The following CHEK2 variants were observed in gnomAD, a reference collection of about 807,000 sequenced individuals.
CHEK2 encodes the protein serine/threonine-protein kinase Chk2.
In CHEK2, 71 loss-of-function variants were observed where a neutral mutation model predicts 69.1. That is an observed-to-expected ratio of 1.03 (90% CI 0.85 to 1.25). The LOEUF (loss-of-function observed/expected upper bound fraction) is 1.25. Ranked by LOEUF, CHEK2 falls within the 50% of genes most tolerant of loss-of-function variation. CHEK2 has a pLI of 0.00. For synonymous variants in CHEK2, 189 were observed against 226.9 expected (o/e 0.83, Z 1.50); for missense variants, 664 against 649.6 (o/e 1.02, Z -0.24).
intron 5 of CHEK2, among the ~76,000 whole-genome samples, chr22:28,715,689 G>A (rs1000459574): frequency 1.3e-5 from 2 of 152,088 alleles, no homozygotes; most frequent in Admixed American, 6.6e-5. Context: ...CAAAGTACCC[G>A]GATTACAGGC....
In CHEK2 at chr22:28,698,228, T is replaced by TAAAAAAAAAAAA. The variant is rs398040472; in HGVS notation, c.1009-1253_1009-1242dup. 1.8e-4 allele frequency among the ~76,000 whole-genome samples: 15 copies of TAAAAAAAAAAAA among 81,896 alleles called. 2 individuals are homozygous for TAAAAAAAAAAAA. The highest frequency in any genetic ancestry group is 3.0e-4 in the Non-Finnish European group (12 of 39,492). 53.7% of individuals were successfully genotyped at this position (81,896 alleles called of 152,430 possible). ...CAACATGGTGAAACCCTATCTTTAC[T>TAAAAAAAAAAAA]AAAAAAAAAAAAAAAAAAATTAGCT... On this transcript the variant is annotated intron_variant, in intron 9 of 14. Coordinates refer to ENST00000404276, the MANE Select transcript of CHEK2 (RefSeq NM_007194.4).
intron 9 of CHEK2, among the ~76,000 whole-genome samples, chr22:28,698,704 A>G (rs1163420171): frequency 6.6e-6 from 1 of 152,192 alleles, no homozygotes; most frequent in African/African-American, 2.4e-5. Context: ...TCCTCAAAGC[A>G]AGTGCCACCA....
intron 7 of CHEK2, chr22:28,708,829 G>A (rs2053268947): frequency 4.3e-6 from 1 of 233,754 alleles, no homozygotes; most frequent in Non-Finnish European, 8.6e-6. Context: ...CGGGCGTGGT[G>A]GTGTGCCCAG....
intron 2 of CHEK2, among the ~76,000 whole-genome samples, chr22:28,732,381 G>C (rs980844943): frequency 2.0e-5 from 3 of 152,108 alleles, no homozygotes; most frequent in African/African-American, 7.2e-5. Flanking sequence ...AAAGTGCTGG[G>C]ATTACAGGCA....
In CHEK2 at chr22:28,730,051, G is replaced by C; in HGVS notation, c.319+4352C>G. On this transcript the variant is annotated intron_variant, in intron 2 of 14. Transcript: ENST00000404276. ...GTAGAGACGGGGTTTCACCATGTTG[G>C]CCAGGATGGTCTCGATCTCCTGACC... Among the ~76,000 whole-genome samples, 10 of 150,492 alleles carry C rather than the reference G, an allele frequency of 6.6e-5. No individual in the cohort carries two copies. In the Admixed American group the frequency reaches 6.7e-4, roughly 10 times the overall value.
Position 28,702,530 on chromosome 22 carries a change from G to A in CHEK2, c.908+975C>T, listed in dbSNP as rs527419949. Among the ~76,000 whole-genome samples the A allele has an allele frequency of 1.7e-4, 23 of 136,828 alleles. No individual in the cohort carries two copies. In the East Asian group the frequency reaches 2.0e-3, roughly 12 times the overall value. 89.8% of individuals were successfully genotyped at this position (136,828 alleles called of 152,430 possible). On this transcript the variant is annotated intron_variant, in intron 8 of 14. Coordinates refer to ENST00000404276, the MANE Select transcript of CHEK2 (RefSeq NM_007194.4). ...TGGGATTACAGATGTGAGCCACTGC[G>A]CCCGGCCTTTTTTTTTTTTTTTTTT...
At chr22:28,717,333 G>T (rs917459555) in intron 5 of CHEK2, among the ~76,000 whole-genome samples, 11 of 151,784 alleles carry the variant, frequency 7.2e-5, no homozygotes, top group Admixed American at 5.9e-4. Context: ...AGCTGAGATC[G>T]TGCCACTGCA....
intron 13 of CHEK2, among the ~76,000 whole-genome samples, chr22:28,689,721 C>T (rs1014918064): frequency 2.6e-5 from 4 of 152,058 alleles, no homozygotes; most frequent in African/African-American, 9.7e-5. Context: ...CCCACAGTAT[C>T]CCAGAGCTCA....
rs530250133 is a variant in CHEK2 at position 28,719,600 on chromosome 22, C to T, written c.593-115G>A. The T allele has an allele frequency of 4.6e-5, 30 of 659,116 alleles. No homozygotes were observed. In the East Asian group the frequency reaches 8.1e-4, roughly 18 times the overall value. 40.8% of individuals were successfully genotyped at this position (659,116 alleles called of 1,614,324 possible). On this transcript the variant is annotated intron_variant, in intron 4 of 14. Transcript: ENST00000404276. ...AAGAACTGTTTTTAACTACATTTAACATGTAACCTTAAGGAAATTAGTATG... is the reference window on the plus strand; with the variant it reads ...AAGAACTGTTTTTAACTACATTTAATATGTAACCTTAAGGAAATTAGTATG...
intron 7 of CHEK2, among the ~76,000 whole-genome samples, chr22:28,709,580 G>T (rs554660964): frequency 3.2e-4 from 49 of 152,248 alleles, no homozygotes; most frequent in Admixed American, 1.7e-3. Context: ...ATAAGTTAAA[G>T]AACCCAGGTT....
At chr22:28,699,967 A>C (rs2145845883) in intron 8 of CHEK2, 30 bp from the exon 9 acceptor site, 1 of 1,518,152 alleles carries the variant, frequency 6.6e-7, no homozygotes, top group Non-Finnish European at 9.1e-7. Flanking sequence ...CAAGGGGTTC[A>C]TTCCTGGGGG....
Position 28,710,139 on chromosome 22 carries a change from T to C in CHEK2, c.793-80A>G, listed in dbSNP as rs548114807. The stretch of plus-strand genomic sequence containing the variant: ...AAAAACATTTACAGTTAAACTCAGT[T>C]GACTCAAGGCTGCCTGAGTTCCAAA... On this transcript the variant is annotated intron_variant, in intron 6 of 14. Coordinates refer to ENST00000404276, the MANE Select transcript of CHEK2 (RefSeq NM_007194.4). 4.4e-5 allele frequency: 44 copies of C among 1,007,132 alleles called. No homozygotes were observed. The East Asian group carries it at 1.0e-3, about 23-fold the overall frequency. 62.4% of individuals were successfully genotyped at this position (1,007,132 alleles called of 1,614,324 possible).
chr22:28,704,316 T>A (rs550242327), intron 7 of CHEK2, among the ~76,000 whole-genome samples: 238 of 152,176 alleles, frequency 1.6e-3, no homozygotes, highest in African/African-American at 5.4e-3. Flanking sequence ...TCTTTCTTTT[T>A]TTTTTATTTT....
chr22:28,734,786 A>T, intron 1 of CHEK2, 59 bp from the exon 2 acceptor site: 1 of 1,446,546 alleles, frequency 6.9e-7, no homozygotes, highest in Admixed American at 1.7e-5. Context: ...CTTAAAATTA[A>T]AAAGTAAATG....
At chr22:28,707,998 G>A (rs2053219998) in intron 7 of CHEK2, among the ~76,000 whole-genome samples, 2 of 150,718 alleles carry the variant, frequency 1.3e-5, no homozygotes, top group Admixed American at 1.3e-4. Flanking sequence ...CACCACGCCC[G>A]GCTAATTTTT....
chr22:28,699,988 T>C, intron 8 of CHEK2, 51 bp from the exon 9 acceptor site: 3 of 1,218,734 alleles, frequency 2.5e-6, no homozygotes, highest in Non-Finnish European at 3.6e-6. Flanking sequence ...AAAACGCACT[T>C]GGACAGAAGA....
rs2052512171 is a variant in CHEK2, at chr22:28,695,120, T to C, written c.1375+7A>G. 1 of 1,566,210 alleles carries C rather than the reference T, an allele frequency of 6.4e-7. No homozygotes were observed. Among genetic ancestry groups the C allele is most frequent in the East Asian group, 2.2e-5 (1 of 44,582 alleles). Reference sequence around the variant, plus strand: ...ACCACAAATTCTTAACCCTTTCATATTCATACCTTTCTCTGAGACTTCTGC... The same window carrying C: ...ACCACAAATTCTTAACCCTTTCATACTCATACCTTTCTCTGAGACTTCTGC... On this transcript the variant is annotated splice_region_variant and intron_variant, in intron 12 of 14. Transcript: ENST00000404276.
At chr22:28,715,961 G>A (rs903193691) in intron 5 of CHEK2, among the ~76,000 whole-genome samples, 2 of 151,600 alleles carry the variant, frequency 1.3e-5, no homozygotes, top group African/African-American at 4.8e-5. Context: ...CACCTCCTGG[G>A]CTCAGGTAAT....
At chr22:28,738,935 G>T (rs1362782868) in intron 1 of CHEK2, among the ~76,000 whole-genome samples, 1 of 152,122 alleles carries the variant, frequency 6.6e-6, no homozygotes, top group Non-Finnish European at 1.5e-5. Flanking sequence ...AATATATAAG[G>T]AGATGAAACT....
Sources: allele counts gnomAD v4.1 joint callset (sites outside exome capture counted in the v4.1 genomes callset), GRCh38; gene constraint gnomAD v4.1.1; transcripts MANE v1.5; gene names NCBI Gene and HGNC (gene_info 2026-07-23, HGNC 2026-07-21).